Variants in FAM110B observed in about 807,000 individuals in gnomAD.
FAM110B encodes family with sequence similarity 110 member B.
Under a neutral mutation model 20.4 loss-of-function variants are expected in FAM110B, and 6 were observed. That is an observed-to-expected ratio of 0.29 (90% CI 0.16 to 0.58). The LOEUF (loss-of-function observed/expected upper bound fraction) is 0.58. Among genes scored for constraint, FAM110B ranks in the 20% least tolerant of loss-of-function variants. FAM110B has a pLI of 0.90. For missense variants in FAM110B, 434 were observed against 498.2 expected (o/e 0.87, Z 1.23); for synonymous variants, 226 against 214.1 (o/e 1.06, Z -0.49).
chr8:58,001,839 C>T (rs1363872171), intron 1 of FAM110B, among the ~76,000 whole-genome samples: 1 of 152,032 alleles, frequency 6.6e-6, no homozygotes, highest in Admixed American at 6.6e-5. Flanking sequence ...AACCAGAGAA[C>T]CAGAACCAAT....
chr8:58,103,127 T>A (rs2150612782), intron 3 of FAM110B, among the ~76,000 whole-genome samples: 1 of 152,094 alleles, frequency 6.6e-6, no homozygotes, highest in East Asian at 1.9e-4. Context: ...TGCATTTGGG[T>A]CAATGAATGC....
At chr8:58,087,710 G>T (rs545449353) in intron 3 of FAM110B, among the ~76,000 whole-genome samples, 57 of 152,220 alleles carry the variant, frequency 3.7e-4, no homozygotes, top group Non-Finnish European at 6.3e-4. Flanking sequence ...ATTGAGATTT[G>T]GGTCTCTCCT....
chr8:58,023,006 G>T (rs1273695780), intron 1 of FAM110B, among the ~76,000 whole-genome samples: 2 of 152,036 alleles, frequency 1.3e-5, no homozygotes, highest in Admixed American at 1.3e-4. Context: ...ATATTGTGGA[G>T]ACTAATTTTT....
chr8:58,050,530 T>G (rs1009961601), intron 2 of FAM110B, among the ~76,000 whole-genome samples: 2 of 152,190 alleles, frequency 1.3e-5, no homozygotes, highest in Non-Finnish European at 2.9e-5. Flanking sequence ...GGTCCGTGTT[T>G]CCTGGCTGCA....
At chr8:58,141,831 G>A (rs549576992) in intron 3 of FAM110B, among the ~76,000 whole-genome samples, 5 of 152,172 alleles carry the variant, frequency 3.3e-5, no homozygotes, top group Non-Finnish European at 5.9e-5. Context: ...GCTCCTTTCC[G>A]AAGGCCACAC....
chr8:58,123,961 T>C (rs1807430626), intron 3 of FAM110B, among the ~76,000 whole-genome samples: 1 of 152,244 alleles, frequency 6.6e-6, no homozygotes, highest in Non-Finnish European at 1.5e-5. Flanking sequence ...TCTTTACAAA[T>C]GCAAAGGATA....
intron 2 of FAM110B, among the ~76,000 whole-genome samples, chr8:58,053,805 A>C (rs918618777): frequency 6.6e-6 from 1 of 152,242 alleles, no homozygotes; most frequent in African/African-American, 2.4e-5. Flanking sequence ...CTCACTTAAA[A>C]AATTTTTCTG....
At chr8:58,006,353 T>C (rs1804400509) in intron 1 of FAM110B, among the ~76,000 whole-genome samples, 1 of 152,178 alleles carries the variant, frequency 6.6e-6, no homozygotes, top group African/African-American at 2.4e-5. Context: ...AGGAGTTAGT[T>C]TGAGACTAGA....
At position 58,148,174 on chromosome 8, in the gene FAM110B, T is replaced by TG. The variant is rs1490482506; in HGVS notation, c.*831_*832insG. ...AAAAGTTGTGGTTTTTTGTTTTTTT[T>TG]TTTTTTTTTTTTGGTCGAGAACTAC... On this transcript the variant is annotated 3_prime_UTR_variant, in exon 4 of 4. Coordinates refer to ENST00000519262, the MANE Select transcript of FAM110B (RefSeq NM_001377989.1). The TG allele has an allele frequency of 1.6e-4, 25 of 154,048 alleles. No individual in the cohort carries two copies. Among genetic ancestry groups the TG allele is most frequent in the African/African-American group, 4.5e-4 (18 of 39,704 alleles). 9.5% of individuals were successfully genotyped at this position (154,048 alleles called of 1,614,324 possible). A position where few individuals can be genotyped will look rare whatever the true frequency, so the allele number is the denominator to read the frequency against.
chr8:58,022,720 A>G (rs1585818494), intron 1 of FAM110B, among the ~76,000 whole-genome samples: 1 of 152,352 alleles, frequency 6.6e-6, no homozygotes, highest in African/African-American at 2.4e-5. Flanking sequence ...TTGCTTATTA[A>G]GGAGATGAAT....
intron 2 of FAM110B, among the ~76,000 whole-genome samples, chr8:58,047,000 G>A (rs1805331738): frequency 6.6e-6 from 1 of 152,152 alleles, no homozygotes; most frequent in African/African-American, 2.4e-5. Flanking sequence ...AGCTGATGTC[G>A]ACAGCCGTAA....
At chr8:58,088,438 A>G (rs1254700233) in intron 3 of FAM110B, among the ~76,000 whole-genome samples, 1 of 152,288 alleles carries the variant, frequency 6.6e-6, no homozygotes, top group East Asian at 1.9e-4. Context: ...ATTCAACGAA[A>G]TGTGTTTCTT....
chr8:58,145,018 G>A (rs541816459), intron 3 of FAM110B, among the ~76,000 whole-genome samples: 26 of 152,268 alleles, frequency 1.7e-4, no homozygotes, highest in African/African-American at 6.3e-4. Flanking sequence ...CATATTTTTA[G>A]GTATGATTGG....
chr8:58,127,835 T>C (rs550745504), intron 3 of FAM110B, among the ~76,000 whole-genome samples: 1 of 152,334 alleles, frequency 6.6e-6, no homozygotes, highest in South Asian at 2.1e-4. Flanking sequence ...AGATCCCTAT[T>C]TATGGACAGG....
chr8:58,098,933 T>G (rs558898035), intron 3 of FAM110B: 2 of 152,482 alleles, frequency 1.3e-5, no homozygotes, highest in South Asian at 4.2e-4. Flanking sequence ...CCTTCTGCAT[T>G]GATCTTGCTG....
Position 58,146,666 on chromosome 8 carries a change from C to G in FAM110B, c.436C>G (p.Pro146Ala). Residue 146 changes from proline (P) to alanine (A), a missense_variant, in exon 4 of 4, where the codon CCC becomes GCC. Transcript: ENST00000519262. ...GHKHSSRNWP[P>A]HRSEATDLHR... ...CAAGCACAGCTCCCGCAACTGGCCG[C>G]CCCACCGGTCGGAAGCCACTGACCT... 6.2e-7 allele frequency: 1 copy of G among 1,612,686 alleles called. No individual in the cohort carries two copies. Among genetic ancestry groups the G allele is most frequent in the Non-Finnish European group, 8.5e-7 (1 of 1,179,468 alleles).
At chr8:58,033,128 T>G (rs1364320453) in intron 2 of FAM110B, among the ~76,000 whole-genome samples, 1 of 152,192 alleles carries the variant, frequency 6.6e-6, no homozygotes, top group Non-Finnish European at 1.5e-5. Context: ...ACTCAATGTT[T>G]AGCTCCTACT....
intron 2 of FAM110B, among the ~76,000 whole-genome samples, chr8:58,072,397 A>G (rs752020087): frequency 6.6e-6 from 1 of 152,220 alleles, no homozygotes; most frequent in Non-Finnish European, 1.5e-5. Flanking sequence ...GTATCTGTGT[A>G]CTGTGTAATG....
chr8:58,097,071 G>A (rs1477792048), intron 3 of FAM110B, among the ~76,000 whole-genome samples: 1 of 152,132 alleles, frequency 6.6e-6, no homozygotes, highest in Non-Finnish European at 1.5e-5. Context: ...TGTATTTCCT[G>A]AATTTGAATG....
Sources: allele counts gnomAD v4.1 joint callset (sites outside exome capture counted in the v4.1 genomes callset), GRCh38; gene constraint gnomAD v4.1.1; transcripts MANE v1.5; gene names NCBI Gene and HGNC (gene_info 2026-07-23, HGNC 2026-07-21).